The following DBF4B variants were observed in gnomAD, a reference collection of about 807,000 sequenced individuals.
The protein encoded by DBF4B is protein DBF4 homolog B.
DBF4B carries 49 observed loss-of-function variants against 53.4 expected under a neutral mutation model. That is an observed-to-expected ratio of 0.92 (90% CI 0.73 to 1.16). The LOEUF is 1.16. Ranked by LOEUF, DBF4B falls within the 50% of genes most tolerant of loss-of-function variation. The pLI is 0.00. For synonymous variants in DBF4B, 257 were observed against 288.7 expected (o/e 0.89, Z 1.11); for missense variants, 692 against 775.0 (o/e 0.89, Z 1.27).
intron 2 of DBF4B, among the ~76,000 whole-genome samples, chr17:44,721,055 G>A (rs1973794189): frequency 1.3e-5 from 2 of 151,682 alleles, no homozygotes; most frequent in East Asian, 1.9e-4. Context: ...TAGTGGAGAC[G>A]GGGTTTCACC....
intron 3 of DBF4B, among the ~76,000 whole-genome samples, chr17:44,723,508 C>T (rs1353981639): frequency 6.6e-6 from 1 of 152,116 alleles, no homozygotes; most frequent in East Asian, 1.9e-4. Flanking sequence ...AATCCCAGCA[C>T]TCTGGGAGGC....
chr17:44,749,170 C>T lies in DBF4B; in HGVS notation c.1189+705C>T. On this transcript the variant is annotated intron_variant, in intron 13 of 13. Transcript: ENST00000315005. This position sits in a 1 kb window ranked among gnomAD's most constrained non-coding sequence, Gnocchi z 4.4. ...CAGGTCTACCTCCCTCCTGCAGCCC[C>T]TGCCAGCCAGTGCGGGAGCCAGCTG... 7.8e-7 allele frequency: 1 copy of T among 1,289,830 alleles called. No homozygotes were observed. The highest frequency in any genetic ancestry group is 2.3e-5 in the Admixed American group (1 of 43,576). The allele number at this position is 1,289,830 out of a possible 1,614,324, so 79.9% of individuals were successfully genotyped here.
At position 44,721,222 on chromosome 17, in the gene DBF4B, C is replaced by CA. The variant is rs797006721; in HGVS notation, c.83-1658_83-1657insA. On this transcript the variant is annotated intron_variant, in intron 2 of 13. Transcript: ENST00000315005. ...ATTATCTCCAACTAATTCTTCCCCC[C>CA]CCCTCCCCTTTTTTGCGACAGAATC... Among the ~76,000 whole-genome samples the CA allele has an allele frequency of 4.4e-4, 57 of 129,824 alleles. 1 individual carries two copies. Among genetic ancestry groups the CA allele is most frequent in the African/African-American group, 1.7e-3 (53 of 31,994 alleles). The allele number at this position is 129,824 out of a possible 152,430, so 85.2% of individuals were successfully genotyped here.
At chr17:44,711,486 C>T (rs1234573275) in intron 2 of DBF4B, among the ~76,000 whole-genome samples, 2 of 152,038 alleles carry the variant, frequency 1.3e-5, no homozygotes, top group African/African-American at 4.8e-5. Context: ...TGCATGTCTC[C>T]ACACCTGGCT....
Position 44,750,917 on chromosome 17 carries a change from G to A in DBF4B, c.1512G>A (p.Met504Ile), listed in dbSNP as rs2049266216. Reference sequence around the variant, plus strand: ...TCCCTGAAGCCAGACCGTGGCTTATGTCTGCACGCTGCTGGGTTCGTCCCT... The same window carrying A: ...TCCCTGAAGCCAGACCGTGGCTTATATCTGCACGCTGCTGGGTTCGTCCCT... ...LLFPEARPWL[M>I]SARCWVRPFP... The change falls in exon 14 of 14, where the codon ATG becomes ATA. Residue 504 changes from methionine (M) to isoleucine (I), a missense_variant. By Grantham distance (10) the Met-to-Ile change is conservative. Around this residue, in one of 3 missense-constraint regions of DBF4B, gnomAD observed 597 missense variants for 665.8 expected, o/e 0.90. Coordinates refer to ENST00000315005, the MANE Select transcript of DBF4B (RefSeq NM_145663.3). 1.2e-6 allele frequency: 2 copies of A among 1,614,178 alleles called. No individual in the cohort carries two copies. Among genetic ancestry groups the A allele is most frequent in the East Asian group, 4.5e-5 (2 of 44,876 alleles).
chr17:44,728,963 G>A (rs1974587100), intron 3 of DBF4B, among the ~76,000 whole-genome samples: 1 of 151,966 alleles, frequency 6.6e-6, no homozygotes, highest in South Asian at 2.1e-4. Flanking sequence ...CAGTGTGGTG[G>A]GACACACCTG....
At chr17:44,730,582 G>C (rs966213078) in intron 4 of DBF4B, among the ~76,000 whole-genome samples, 2 of 152,114 alleles carry the variant, frequency 1.3e-5, no homozygotes, top group Non-Finnish European at 2.9e-5. Flanking sequence ...ATACACTGTT[G>C]GCATTGTGAT....
At chr17:44,731,628 T>C (rs916275294) in intron 5 of DBF4B, 5 of 157,710 alleles carry the variant, frequency 3.2e-5, no homozygotes, top group African/African-American at 1.2e-4. Context: ...AACAAGTAAC[T>C]CTTTATTCCT....
In DBF4B at chr17:44,751,400, T is replaced by C; in HGVS notation, c.*147T>C. The C allele has an allele frequency of 2.1e-6, 3 of 1,434,474 alleles. No individual in the cohort carries two copies. Among genetic ancestry groups the C allele is most frequent in the East Asian group, 5.0e-5 (2 of 40,024 alleles). 88.9% of individuals were successfully genotyped at this position (1,434,474 alleles called of 1,614,324 possible). ...TTTCCACATCGCACCAGATGACTTT[T>C]ACCCAGACCCAGTGGGCATTGCCTT... On this transcript the variant is annotated 3_prime_UTR_variant, in exon 14 of 14. Coordinates refer to ENST00000315005, the MANE Select transcript of DBF4B (RefSeq NM_145663.3).
chr17:44,716,900 C>A (rs1034417426), intron 2 of DBF4B, among the ~76,000 whole-genome samples: 1 of 152,162 alleles, frequency 6.6e-6, no homozygotes, highest in African/African-American at 2.4e-5. Context: ...CTCTTATCTC[C>A]TGTCTGTTTT....
chr17:44,722,359 C>T (rs917984588), intron 2 of DBF4B, among the ~76,000 whole-genome samples: 4 of 152,196 alleles, frequency 2.6e-5, no homozygotes, highest in African/African-American at 9.7e-5. Flanking sequence ...TTCACTGTCC[C>T]CTTTTCCTCT....
intron 9 of DBF4B, among the ~76,000 whole-genome samples, chr17:44,739,536 A>T (rs1389058082): frequency 6.6e-6 from 1 of 152,232 alleles, no homozygotes; most frequent in African/African-American, 2.4e-5. Context: ...GATGGTACAG[A>T]GGTGCTGTCT....
At chr17:44,736,440 A>C (rs1261945336) in intron 7 of DBF4B, among the ~76,000 whole-genome samples, 3 of 152,168 alleles carry the variant, frequency 2.0e-5, no homozygotes, top group Non-Finnish European at 4.4e-5. Context: ...AGTACCTAGA[A>C]AATAAAGCTG....
chr17:44,751,396 CT>C lies in DBF4B; in HGVS notation c.*147del, dbSNP rs2049275646. 2 of 1,435,542 alleles carry C rather than the reference CT, an allele frequency of 1.4e-6. No individual in the cohort carries two copies. Among genetic ancestry groups the C allele is most frequent in the Admixed American group, 2.8e-5 (1 of 35,144 alleles). The allele number at this position is 1,435,542 out of a possible 1,614,324, so 88.9% of individuals were successfully genotyped here. A position where few individuals can be genotyped will look rare whatever the true frequency, so the allele number is the denominator to read the frequency against. On this transcript the variant is annotated 3_prime_UTR_variant, in exon 14 of 14. Transcript: ENST00000315005. The stretch of plus-strand genomic sequence containing the variant: ...CCCCTTTCCACATCGCACCAGATGA[CT>C]TTTACCCAGACCCAGTGGGCATTGC...
At chr17:44,748,755 G>T (rs1200186916) in intron 13 of DBF4B, 3 of 1,340,720 alleles carry the variant, frequency 2.2e-6, no homozygotes, top group Non-Finnish European at 2.9e-6. Context: ...GGGCCTCCTG[G>T]CCACAGGCTT....
intron 6 of DBF4B, among the ~76,000 whole-genome samples, chr17:44,733,129 C>T (rs1458144702): frequency 6.6e-6 from 1 of 150,510 alleles, no homozygotes; most frequent in Non-Finnish European, 1.5e-5. Context: ...TGCGCCACTG[C>T]ACTCCAGCCT....
rs752302187 is a variant in DBF4B at position 44,730,087 on chromosome 17, C to T, written c.408C>T (p.Pro136=). 1.2e-5 allele frequency: 19 copies of T among 1,612,212 alleles called. No homozygotes were observed. In the Admixed American group the frequency reaches 1.5e-4, roughly 13 times the overall value. ...GCCACCCCAGGCCTTCACGGAAACC[C>T]GTTGACTCGGTAAGAACCTCATGTA... is the stretch of plus-strand genomic sequence containing the variant. ...KGSHPRPSRK[P]VDSVPLSRGK... Residue 136 remains proline (P), a synonymous_variant, in exon 4 of 14, where the codon CCC becomes CCT. Coordinates refer to ENST00000315005, the MANE Select transcript of DBF4B (RefSeq NM_145663.3).
At position 44,723,014 on chromosome 17, in the gene DBF4B, C is replaced by T. The variant is rs1249070095; in HGVS notation, c.217C>T (p.Leu73=). 1 of 1,614,010 alleles carries T rather than the reference C, an allele frequency of 6.2e-7. No homozygotes were observed. The highest frequency in any genetic ancestry group is 8.5e-7 in the Non-Finnish European group (1 of 1,179,872). The change falls in exon 3 of 14, where the codon CTG becomes TTG. Residue 73 remains leucine, a synonymous_variant. Transcript: ENST00000315005. ...GTTTTTGACGGGGGCCATTCAGCAA[C>T]TGGGTGGGGTAGGTAACCTGCTCTT... ...LQFLTGAIQQ[L]GGVIEGFLSK... is the part of the protein sequence containing the mutation.
chr17:44,719,030 G>C (rs1017002995), intron 2 of DBF4B: 1 of 150,936 alleles, frequency 6.6e-6, no homozygotes, highest in African/African-American at 2.4e-5. Context: ...GCAGTGGCGC[G>C]ATCTTGGCTC....
Sources: allele counts gnomAD v4.1 joint callset (sites outside exome capture counted in the v4.1 genomes callset), GRCh38; gene constraint gnomAD v4.1.1; regional missense constraint gnomAD v4.1.1; non-coding constraint Gnocchi (gnomAD v3.1); transcripts MANE v1.5; gene names NCBI Gene and HGNC (gene_info 2026-07-23, HGNC 2026-07-21).